Variants in RBFOX3 observed in about 807,000 individuals in gnomAD.
The protein encoded by RBFOX3 is RNA binding fox-1 homolog 3.
In RBFOX3, 17 loss-of-function variants were observed where a neutral mutation model predicts 48.7. The observed-to-expected ratio is 0.35, with a 90% CI of 0.24 to 0.52. The LOEUF is 0.52. Among genes scored for constraint, RBFOX3 ranks in the 20% least tolerant of loss-of-function variants. The pLI, the probability that RBFOX3 is intolerant of heterozygous loss-of-function variation, is 0.94. For synonymous variants in RBFOX3, 212 were observed against 209.5 expected (o/e 1.01, Z -0.10); for missense variants, 382 against 497.5 (o/e 0.77, Z 2.21).
rs797038318 is a variant in RBFOX3, at chr17:79,493,911, C to T, written c.-319-11313G>A. Among the ~76,000 whole-genome samples, 222 of 152,184 alleles carry T rather than the reference C, an allele frequency of 1.5e-3. 1 individual carries two copies. The highest frequency in any genetic ancestry group is 4.9e-3 in the African/African-American group (203 of 41,512). ...GGCTCTGGAGGAAAACATAGCTGGG[C>T]TGGGGGAGGAGGTGGAGAAGGACAG... is the stretch of plus-strand genomic sequence containing the variant. On this transcript the variant is annotated intron_variant, in intron 1 of 14. Transcript: ENST00000693108.
intron 4 of RBFOX3, among the ~76,000 whole-genome samples, chr17:79,136,719 G>C (rs1212270642): frequency 6.6e-6 from 1 of 152,122 alleles, no homozygotes; most frequent in Non-Finnish European, 1.5e-5. Flanking sequence ...CAGGGTCCCC[G>C]ACCTGATGTC....
At chr17:79,646,499 T>C in the RBFOX3 span, among the ~76,000 whole-genome samples, 168 of 152,310 alleles carry the variant, frequency 1.1e-3, 1 homozygote, top group Non-Finnish European at 2.4e-3. Context: ...GCATGTCTTA[T>C]GTGGTAGCAG....
chr17:79,580,281 ATCCTCC>A (rs1327100541), intron 1 of RBFOX3, among the ~76,000 whole-genome samples: 2 of 40,314 alleles, frequency 5.0e-5, no homozygotes, highest in African/African-American at 2.0e-4. Flanking sequence ...CTCCCCCCCC[ATCCTCC>A]TCCTCCTCCT....
chr17:79,171,451 G>A (rs562101293), intron 4 of RBFOX3, among the ~76,000 whole-genome samples: 7 of 152,202 alleles, frequency 4.6e-5, no homozygotes, highest in African/African-American at 7.2e-5. Flanking sequence ...CATTTCTGCC[G>A]TCGCCAGGCA....
At chr17:79,181,022 T>G (rs1599843258) in intron 4 of RBFOX3, among the ~76,000 whole-genome samples, 1 of 152,322 alleles carries the variant, frequency 6.6e-6, no homozygotes, top group Non-Finnish European at 1.5e-5. Flanking sequence ...GTTGGTGGAC[T>G]CACCCCAACT....
chr17:79,630,439 C>T, the RBFOX3 span, among the ~76,000 whole-genome samples: 1 of 152,306 alleles, frequency 6.6e-6, no homozygotes, highest in South Asian at 2.1e-4. Context: ...CCAGAGGCGG[C>T]TTGAGCTCTT....
chr17:79,554,388 CT>C (rs1350871466), intron 1 of RBFOX3, among the ~76,000 whole-genome samples: 7 of 146,866 alleles, frequency 4.8e-5, no homozygotes, highest in African/African-American at 1.5e-4. Flanking sequence ...ACAGTCACCC[CT>C]CACCTGGCCC....
At chr17:79,150,241 C>T (rs1751492801) in intron 4 of RBFOX3, among the ~76,000 whole-genome samples, 1 of 151,950 alleles carries the variant, frequency 6.6e-6, no homozygotes, top group South Asian at 2.1e-4. Flanking sequence ...GAGACTGAGG[C>T]CCTCAAGGCA....
chr17:79,381,471 G>A (rs926889227), intron 2 of RBFOX3, among the ~76,000 whole-genome samples: 7 of 152,202 alleles, frequency 4.6e-5, no homozygotes, highest in African/African-American at 1.7e-4. Flanking sequence ...TGAGTGCTGA[G>A]GAGCTCCCCG....
At chr17:79,426,924 G>A (rs1046877485) in intron 2 of RBFOX3, among the ~76,000 whole-genome samples, 17 of 151,930 alleles carry the variant, frequency 1.1e-4, no homozygotes, top group Admixed American at 3.3e-4. Context: ...GGCTGGTCTC[G>A]AACTCCTGAC....
At chr17:79,655,271 C>T in the RBFOX3 span, among the ~76,000 whole-genome samples, 493 of 152,272 alleles carry the variant, frequency 3.2e-3, 1 homozygote, top group Non-Finnish European at 5.3e-3. Flanking sequence ...AAGTCACTGA[C>T]GGTGGCCAGG....
chr17:79,358,998 C>T (rs1297923158), intron 2 of RBFOX3, among the ~76,000 whole-genome samples: 1 of 152,232 alleles, frequency 6.6e-6, no homozygotes, highest in Non-Finnish European at 1.5e-5. Flanking sequence ...CTGCCCCCTG[C>T]CCCACACCCA....
intron 4 of RBFOX3, among the ~76,000 whole-genome samples, chr17:79,193,167 A>G (rs1325872784): frequency 6.6e-6 from 1 of 152,136 alleles, no homozygotes; most frequent in Non-Finnish European, 1.5e-5. Flanking sequence ...CGTTTCCTCC[A>G]AAGCACCTTT....
At chr17:79,327,882 G>C (rs2079576786) in intron 2 of RBFOX3, among the ~76,000 whole-genome samples, 2 of 152,180 alleles carry the variant, frequency 1.3e-5, no homozygotes, top group South Asian at 2.1e-4. Context: ...TTTTAGTAGA[G>C]ACAGGGTTTC....
intron 4 of RBFOX3, among the ~76,000 whole-genome samples, chr17:79,140,185 G>A (rs1351152679): frequency 2.0e-5 from 3 of 152,238 alleles, no homozygotes; most frequent in Admixed American, 2.0e-4. Context: ...ATACCTGAGG[G>A]GAATGTGCTG....
intron 2 of RBFOX3, among the ~76,000 whole-genome samples, chr17:79,451,637 C>T (rs1451177839): frequency 3.9e-5 from 6 of 152,204 alleles, no homozygotes; most frequent in Admixed American, 1.3e-4. Flanking sequence ...AAGAGGCATC[C>T]GTGGAGCACC....
intron 2 of RBFOX3, among the ~76,000 whole-genome samples, chr17:79,323,394 T>G (rs2078835565): frequency 6.6e-6 from 1 of 152,218 alleles, no homozygotes; most frequent in Admixed American, 6.5e-5. Context: ...CCCAAGTTCA[T>G]AACCATCCCA....
intron 1 of RBFOX3, among the ~76,000 whole-genome samples, chr17:79,514,732 C>T (rs2084999447): frequency 6.6e-6 from 1 of 152,258 alleles, no homozygotes; most frequent in Admixed American, 6.5e-5. Flanking sequence ...TGCATCCCCC[C>T]AGGCCATGTG....
chr17:79,380,667 T>C (rs925827112), intron 2 of RBFOX3, among the ~76,000 whole-genome samples: 1 of 152,192 alleles, frequency 6.6e-6, no homozygotes, highest in African/African-American at 2.4e-5. Context: ...GCACCAGCTT[T>C]GCACTGAGAA....
Sources: allele counts gnomAD v4.1 joint callset (sites outside exome capture counted in the v4.1 genomes callset), GRCh38; gene constraint gnomAD v4.1.1; transcripts MANE v1.5; gene names NCBI Gene and HGNC (gene_info 2026-07-23, HGNC 2026-07-21).